The following PIK3C2A variants were observed in gnomAD, a reference collection of about 807,000 sequenced individuals.
PIK3C2A encodes the protein phosphatidylinositol 4-phosphate 3-kinase C2 domain-containing subunit alpha.
A neutral mutation model predicts 204.5 loss-of-function variants in PIK3C2A; 97 were observed. The ratio of observed to expected loss-of-function variants is 0.47; its 90% CI spans 0.40 to 0.56. The LOEUF is 0.56. PIK3C2A is among the 20% of genes least tolerant of loss of function. The pLI is 0.00. For missense variants in PIK3C2A, 1,735 were observed against 1,969.2 expected (o/e 0.88, Z 2.25); for synonymous variants, 653 against 664.4 (o/e 0.98, Z 0.26).
At chr11:17,115,839 A>C (rs1849166222) in intron 19 of PIK3C2A, 1 of 152,214 alleles carries the variant, frequency 6.6e-6, no homozygotes, top group South Asian at 2.1e-4. Context: ...AAATGGTGCT[A>C]AGACAACTGG....
At position 17,101,760 on chromosome 11, in the gene PIK3C2A, C is replaced by T. The variant is rs146583167; in HGVS notation, c.3852-326G>A. 5.1e-3 allele frequency among the ~76,000 whole-genome samples: 773 copies of T among 151,262 alleles called. 5 individuals are homozygous for T. The highest frequency in any genetic ancestry group is 0.017 in the African/African-American group (713 of 41,390). On this transcript the variant is annotated intron_variant, in intron 24 of 32. Coordinates refer to ENST00000691414, the MANE Select transcript of PIK3C2A (RefSeq NM_002645.4). The stretch of plus-strand genomic sequence containing the variant: ...CCGGGACCACAGGGGCCCGCCACCA[C>T]GCCCGGCTAATTTTTTGTATTTTTA...
intron 4 of PIK3C2A, among the ~76,000 whole-genome samples, chr11:17,149,485 G>A (rs1850359405): frequency 6.6e-6 from 1 of 152,126 alleles, no homozygotes; most frequent in Non-Finnish European, 1.5e-5. Flanking sequence ...ATCCCCCACA[G>A]ATGATATTTA....
At chr11:17,124,401 CAGTT>C (rs886398063) in intron 13 of PIK3C2A, among the ~76,000 whole-genome samples, 105 of 151,500 alleles carry the variant, frequency 6.9e-4, no homozygotes, top group African/African-American at 2.4e-3. Context: ...TTTTTAAAAA[CAGTT>C]GGTTTGCTTA....
At chr11:17,098,059 G>C (rs570122369) in intron 26 of PIK3C2A, among the ~76,000 whole-genome samples, 3 of 152,338 alleles carry the variant, frequency 2.0e-5, no homozygotes, top group Admixed American at 2.0e-4. Flanking sequence ...AGTTTTGACA[G>C]GATGGAAAGT....
chr11:17,087,544 T>A lies in PIK3C2A; in HGVS notation c.*2194A>T, dbSNP rs1226371291. On this transcript the variant is annotated 3_prime_UTR_variant, in exon 33 of 33. Coordinates refer to ENST00000691414, the MANE Select transcript of PIK3C2A (RefSeq NM_002645.4). ...AGTGACAGGACATTTTTTAGCTCTA[T>A]TATTTGTGCTAAAAGACACTGTCAT... The A allele has an allele frequency of 6.6e-6, 1 of 152,212 alleles. No individual in the cohort carries two copies. The highest frequency in any genetic ancestry group is 1.5e-5 in the Non-Finnish European group (1 of 68,032). 9.4% of individuals were successfully genotyped at this position (152,212 alleles called of 1,614,324 possible).
At chr11:17,176,003 A>ATTTT (rs57197496) in intron 1 of PIK3C2A, among the ~76,000 whole-genome samples, 1 of 143,876 alleles carries the variant, frequency 7.0e-6, no homozygotes. Context: ...CATGGAACTG[A>ATTTT]TTTTTTTTTT....
intron 22 of PIK3C2A, 81 bp from the exon 23 acceptor site, chr11:17,105,386 T>C: frequency 8.3e-7 from 1 of 1,212,048 alleles, no homozygotes; most frequent in East Asian, 2.6e-5. Context: ...TATTATTACT[T>C]TTTAAATTTC....
At chr11:17,196,402 T>C (rs1194918904) in intron 1 of PIK3C2A, among the ~76,000 whole-genome samples, 1 of 152,158 alleles carries the variant, frequency 6.6e-6, no homozygotes, top group Non-Finnish European at 1.5e-5. Context: ...AATTAACAGG[T>C]AGCTGAAAAA....
At chr11:17,206,224 G>C (rs951229108) in intron 1 of PIK3C2A, among the ~76,000 whole-genome samples, 3 of 152,120 alleles carry the variant, frequency 2.0e-5, no homozygotes, top group African/African-American at 7.2e-5. Context: ...ACTTTGATAA[G>C]AAAAAACCTA....
At chr11:17,164,736 C>A (rs1850892423) in intron 2 of PIK3C2A, among the ~76,000 whole-genome samples, 1 of 152,144 alleles carries the variant, frequency 6.6e-6, no homozygotes, top group South Asian at 2.1e-4. Flanking sequence ...TAAAACTAAT[C>A]CTGTTTGGCA....
chr11:17,131,826 TG>T (rs1849705221), intron 12 of PIK3C2A, 89 bp downstream of exon 12: 1 of 974,604 alleles, frequency 1.0e-6, no homozygotes, highest in Admixed American at 2.4e-5. Context: ...CAATGAAAAT[TG>T]CAATAAAAAT....
intron 18 of PIK3C2A, 37 bp from the exon 19 acceptor site, chr11:17,117,708 GTTT>G (rs35485246): frequency 0.014 from 4,356 of 316,526 alleles, no homozygotes; most frequent in East Asian, 0.02. Flanking sequence ...TCACGTCTTG[GTTT>G]TTTTTTTTTT....
At position 17,144,138 on chromosome 11, in the gene PIK3C2A, C is replaced by A. The variant is rs116348992; in HGVS notation, c.1704+1530G>T. On this transcript the variant is annotated intron_variant, in intron 8 of 32. Coordinates refer to ENST00000691414, the MANE Select transcript of PIK3C2A (RefSeq NM_002645.4). ...GCCAATCTTCATTTTATACTTTGTACTCTATCACAGAATTGCTTATACTTC... is the reference window on the plus strand; with the variant it reads ...GCCAATCTTCATTTTATACTTTGTAATCTATCACAGAATTGCTTATACTTC... 4.0e-3 allele frequency among the ~76,000 whole-genome samples: 606 copies of A among 152,230 alleles called. 4 individuals are homozygous for A. The highest frequency in any genetic ancestry group is 0.014 in the African/African-American group (589 of 41,520).
At position 17,089,853 on chromosome 11, in the gene PIK3C2A, G is replaced by A. The variant is rs760137029; in HGVS notation, c.4946C>T (p.Ala1649Val). Reference sequence around the variant, plus strand: ...GAAAAAATTCTCCCGCAGAGATTCTGCACTGAGTACACTTAGTTGAAGTTC... The same window carrying A: ...GAAAAAATTCTCCCGCAGAGATTCTACACTGAGTACACTTAGTTGAAGTTC... ...QRELQLSVLS[A>V]ESLRENFFLG... is the part of the protein sequence containing the mutation. The change falls in exon 33 of 33, where the codon GCA (alanine) becomes GTA (valine). Residue 1649 changes from alanine to valine, a missense_variant. By Grantham distance (64) the Ala-to-Val change is moderately conservative. Transcript: ENST00000691414. 1.9e-6 allele frequency: 3 copies of A among 1,613,472 alleles called. No individual in the cohort carries two copies. The highest frequency in any genetic ancestry group is 2.5e-6 in the Non-Finnish European group (3 of 1,179,450).
intron 28 of PIK3C2A, among the ~76,000 whole-genome samples, chr11:17,092,709 T>C (rs1241568103): frequency 6.6e-6 from 1 of 152,158 alleles, no homozygotes; most frequent in Non-Finnish European, 1.5e-5. Flanking sequence ...CTTCAAAGTA[T>C]TGGAGATGAC....
At chr11:17,115,657 T>A (rs1346100305) in intron 19 of PIK3C2A, 1 of 152,086 alleles carries the variant, frequency 6.6e-6, no homozygotes, top group Non-Finnish European at 1.5e-5. Flanking sequence ...TATTTAAAAA[T>A]TTTTAACAGA....
At chr11:17,126,564 G>A (rs570897604) in intron 13 of PIK3C2A, among the ~76,000 whole-genome samples, 54 of 152,200 alleles carry the variant, frequency 3.5e-4, no homozygotes, top group African/African-American at 1.3e-3. Context: ...TAACACAGTG[G>A]TTAACTCAAC....
At chr11:17,162,257 C>T (rs1447505998) in intron 2 of PIK3C2A, among the ~76,000 whole-genome samples, 1 of 151,380 alleles carries the variant, frequency 6.6e-6, no homozygotes, top group African/African-American at 2.4e-5. Context: ...AGGAGAATTG[C>T]TTGAACCCGA....
Position 17,129,348 on chromosome 11 carries a change from C to T in PIK3C2A, c.2351G>A (p.Gly784Glu), listed in dbSNP as rs1235952698. The T allele has an allele frequency of 6.2e-7, 1 of 1,613,856 alleles. No homozygotes were observed. The highest frequency in any genetic ancestry group is 8.5e-7 in the Non-Finnish European group (1 of 1,179,816). The change falls in exon 13 of 33, where the codon GGA (glycine) becomes GAA (glutamate). Residue 784 changes from glycine to glutamate, a missense_variant. By Grantham distance (98) the Gly-to-Glu change is moderately conservative. Coordinates refer to ENST00000691414, the MANE Select transcript of PIK3C2A (RefSeq NM_002645.4). ...AGAAACTTTGCCCAAAGCTTCTGGTCCCTTTCTCTGCTTATTAGAATCAGG... is the reference window on the plus strand; with the variant it reads ...AGAAACTTTGCCCAAAGCTTCTGGTTCCTTTCTCTGCTTATTAGAATCAGG... ...SSPDSNKQRK[G>E]PEALGKVSLP...
Sources: gnomAD v4.1 joint callset for allele counts (sites outside exome capture counted in the v4.1 genomes callset) on GRCh38, gnomAD v4.1.1 for gene constraint, MANE v1.5 for transcripts, NCBI Gene and HGNC (gene_info 2026-07-23, HGNC 2026-07-21) for gene names.